Variants in CHM observed in about 807,000 individuals in gnomAD.
CHM encodes the protein rab proteins geranylgeranyltransferase component A 1.
Under a neutral mutation model 49.0 loss-of-function variants are expected in CHM, and 10 were observed. That is an observed-to-expected ratio of 0.20 (90% confidence interval 0.13 to 0.35). CHM has a LOEUF of 0.35. Among genes scored for constraint, CHM ranks in the 10% least tolerant of loss-of-function variants. CHM has a pLI of 1.00. For synonymous variants in CHM, 184 were observed against 167.5 expected (o/e 1.10, Z -0.76); for missense variants, 455 against 478.4 (o/e 0.95, Z 0.46).
intron 2 of CHM, among the ~76,000 whole-genome samples, chrX:86,008,610 C>T (rs1309004828): frequency 9.0e-6 from 1 of 111,596 alleles, no homozygotes; most frequent in Non-Finnish European, 1.9e-5. Flanking sequence ...CCTTAATAAA[C>T]AGCTATTGTA....
intron 2 of CHM, among the ~76,000 whole-genome samples, chrX:86,017,809 C>T (rs1330892423): frequency 9.0e-6 from 1 of 111,475 alleles, no homozygotes; most frequent in Non-Finnish European, 1.9e-5. Flanking sequence ...AAGGATATCA[C>T]AATTCTAAAC....
chrX:85,951,704 C>T (rs909002841), intron 8 of CHM, among the ~76,000 whole-genome samples: 4 of 111,911 alleles, frequency 3.6e-5, no homozygotes, highest in Non-Finnish European at 7.5e-5. Context: ...ATCCCTCCCA[C>T]AGGAATGCGG....
chrX:85,906,871 C>T (rs1053748486), intron 9 of CHM, among the ~76,000 whole-genome samples: 2 of 112,166 alleles, frequency 1.8e-5, no homozygotes, highest in East Asian at 2.8e-4. Context: ...TGGTGGCTCA[C>T]GCCTGTAATA....
chrX:85,863,150 T>C lies in CHM; in HGVS notation c.*1480A>G, dbSNP rs750774966. 2.8e-5 allele frequency: 3 copies of C among 109,001 alleles called. No homozygotes were observed. The highest frequency in any genetic ancestry group is 5.7e-5 in the Non-Finnish European group (3 of 52,436). 9.0% of individuals were successfully genotyped at this position (109,001 alleles called of 1,213,427 possible). ...CTCTGTCACCCAGGCTGGAGTGCAG[T>C]GGCAAAATCTTGGCTCACTGCAACC... On this transcript the variant is annotated 3_prime_UTR_variant, in exon 15 of 15. Coordinates refer to ENST00000357749, the MANE Select transcript of CHM (RefSeq NM_000390.4).
intron 12 of CHM, among the ~76,000 whole-genome samples, chrX:85,885,754 C>A (rs938429838): frequency 2.7e-5 from 3 of 110,713 alleles, no homozygotes; most frequent in African/African-American, 9.8e-5. Flanking sequence ...TTCATTATTA[C>A]AGCATCAAGT....
intron 2 of CHM, among the ~76,000 whole-genome samples, chrX:85,982,898 G>A (rs970996505): frequency 2.7e-4 from 30 of 111,629 alleles, no homozygotes; most frequent in African/African-American, 9.8e-4. Context: ...AGCTACTTGG[G>A]AGGCTGAAGA....
At chrX:86,028,852 GA>G (rs1279295552) in intron 1 of CHM, among the ~76,000 whole-genome samples, 4 of 107,861 alleles carry the variant, frequency 3.7e-5, no homozygotes, top group African/African-American at 1.3e-4. Context: ...TTACTTAGTG[GA>G]AAAAAAAACA....
intron 2 of CHM, among the ~76,000 whole-genome samples, chrX:85,984,428 C>A (rs755884308): frequency 9.0e-6 from 1 of 110,751 alleles, no homozygotes; most frequent in Non-Finnish European, 1.9e-5. Context: ...GATACCAGTA[C>A]GTAGCCACCA....
intron 8 of CHM, among the ~76,000 whole-genome samples, chrX:85,939,258 T>C (rs62608248): frequency 0.17 from 19,198 of 112,032 alleles, 1,552 homozygotes; most frequent in Middle Eastern, 0.26. Flanking sequence ...CAAAGCTATA[T>C]ACTTTTTTAA....
chrX:85,964,229 A>G (rs970578300), intron 4 of CHM, among the ~76,000 whole-genome samples, 177 bp from the exon 5 acceptor site: 15 of 111,456 alleles, frequency 1.3e-4, no homozygotes, highest in African/African-American at 4.9e-4. Flanking sequence ...TTCATGTCAC[A>G]TGCACATTTT....
At chrX:85,910,053 G>A (rs1324750783) in intron 9 of CHM, among the ~76,000 whole-genome samples, 2 of 111,475 alleles carry the variant, frequency 1.8e-5, no homozygotes, top group Non-Finnish European at 3.8e-5. Context: ...CTATAAAAGT[G>A]CTAAAGGTAC....
At chrX:85,997,099 C>T (rs1376703426) in intron 2 of CHM, among the ~76,000 whole-genome samples, 2 of 111,627 alleles carry the variant, frequency 1.8e-5, no homozygotes, top group Admixed American at 1.9e-4. Context: ...TTGCCTCTGT[C>T]ATTTTCTTTC....
intron 8 of CHM, among the ~76,000 whole-genome samples, chrX:85,951,139 T>C (rs200444202): frequency 8.9e-6 from 1 of 112,217 alleles, no homozygotes; most frequent in East Asian, 2.8e-4. Context: ...TAAATGCTTA[T>C]ATTAAAAAAT....
At chrX:85,985,858 G>C (rs1404569661) in intron 2 of CHM, among the ~76,000 whole-genome samples, 1 of 111,537 alleles carries the variant, frequency 9.0e-6, no homozygotes, top group Non-Finnish European at 1.9e-5. Flanking sequence ...ATGGGAGCCT[G>C]TTCCCATAAC....
chrX:85,918,899 A>T (rs1927617731), intron 8 of CHM, among the ~76,000 whole-genome samples: 1 of 111,887 alleles, frequency 8.9e-6, no homozygotes, highest in Non-Finnish European at 1.9e-5. Context: ...GTGACCTACA[A>T]AGAGACTTAG....
In CHM at chrX:86,005,998, G is replaced by A. The variant is rs138601749; in HGVS notation, c.116+21493C>T. 3.3e-3 allele frequency among the ~76,000 whole-genome samples: 372 copies of A among 111,499 alleles called. 2 individuals are homozygous for A. Among genetic ancestry groups the A allele is most frequent in the African/African-American group, 0.011 (350 of 30,658 alleles). ...TAAACCAATATCCCTGATGAACATC[G>A]ATGAAAAAATCCTCAATAAAATACT... On this transcript the variant is annotated intron_variant, in intron 2 of 14. Transcript: ENST00000357749.
intron 2 of CHM, among the ~76,000 whole-genome samples, chrX:86,013,926 C>G (rs1413984556): frequency 1.8e-5 from 2 of 111,479 alleles, no homozygotes; most frequent in Non-Finnish European, 3.8e-5. Context: ...TATAAAGGGC[C>G]AGAGAGTAAA....
At chrX:85,880,597 G>C in intron 12 of CHM, among the ~76,000 whole-genome samples, 1 of 111,283 alleles carries the variant, frequency 9.0e-6, no homozygotes, top group Non-Finnish European at 1.9e-5. Context: ...TAAACTATTG[G>C]TTCTGTTAAA....
intron 2 of CHM, among the ~76,000 whole-genome samples, chrX:86,015,715 T>C (rs1933270724): frequency 8.9e-6 from 1 of 112,579 alleles, no homozygotes; most frequent in Non-Finnish European, 1.9e-5. Context: ...GTGACTCTTG[T>C]TATGTTTTAG....
Sources: allele counts gnomAD v4.1 joint callset (sites outside exome capture counted in the v4.1 genomes callset), GRCh38; gene constraint gnomAD v4.1.1; transcripts MANE v1.5; gene names NCBI Gene and HGNC (gene_info 2026-07-23, HGNC 2026-07-21).